EPRS1: variants seen among roughly 807,000 people sequenced by gnomAD.
EPRS1 encodes the protein bifunctional glutamate/proline--tRNA ligase.
EPRS1 carries 107 observed loss-of-function variants against 188.3 expected under a neutral mutation model. That is an observed-to-expected ratio of 0.57 (90% CI 0.49 to 0.67). EPRS1 has a LOEUF of 0.67. EPRS1 is among the 30% of genes least tolerant of loss of function. EPRS1 has a pLI of 0.00. For synonymous variants in EPRS1, 596 were observed against 593.1 expected (o/e 1.00, Z -0.07); for missense variants, 1,577 against 1,802.2 (o/e 0.88, Z 2.26).
chr1:220,018,545 A>C, intron 11 of EPRS1, 37 bp from the exon 12 acceptor site: 1 of 1,366,936 alleles, frequency 7.3e-7, no homozygotes. Flanking sequence ...AAGGGCAAGC[A>C]GTATTAATTA....
chr1:220,015,622 T>C (rs1042036370), intron 12 of EPRS1, among the ~76,000 whole-genome samples: 1 of 152,068 alleles, frequency 6.6e-6, no homozygotes, highest in Admixed American at 6.5e-5. Context: ...CTTCCAATGA[T>C]GCGGATGAAA....
At chr1:220,000,063 T>C (rs1325391839) in intron 17 of EPRS1, among the ~76,000 whole-genome samples, 1 of 152,176 alleles carries the variant, frequency 6.6e-6, no homozygotes, top group African/African-American at 2.4e-5. Flanking sequence ...CCACATGGGA[T>C]ACATAGGTTT....
At chr1:220,001,652 A>C (rs1331489280) in intron 16 of EPRS1, among the ~76,000 whole-genome samples, 1 of 152,174 alleles carries the variant, frequency 6.6e-6, no homozygotes, top group Non-Finnish European at 1.5e-5. Flanking sequence ...ATGCTTTTTG[A>C]AGTATAAAAT....
chr1:220,015,442 G>A (rs565596403), intron 12 of EPRS1, among the ~76,000 whole-genome samples: 2 of 152,028 alleles, frequency 1.3e-5, no homozygotes, highest in African/African-American at 2.4e-5. Context: ...CAGCCTGGGC[G>A]ACAGAGTGAG....
chr1:220,025,328 TGAG>T (rs2102592144), intron 6 of EPRS1, 70 bp from the exon 7 acceptor site: 1 of 1,236,574 alleles, frequency 8.1e-7, no homozygotes, highest in South Asian at 1.6e-5. Context: ...TTAACCTTTT[TGAG>T]GAGATGAGAA....
At chr1:220,026,036 G>A (rs942497248) in intron 6 of EPRS1, among the ~76,000 whole-genome samples, 1 of 152,060 alleles carries the variant, frequency 6.6e-6, no homozygotes. Context: ...CTCGTGATCC[G>A]CCTGCCTTGG....
intron 16 of EPRS1, 90 bp downstream of exon 16, chr1:220,005,158 G>A (rs1466542811): frequency 2.4e-5 from 12 of 490,178 alleles, no homozygotes; most frequent in Non-Finnish European, 1.4e-5. Flanking sequence ...TGTTAGGTAC[G>A]TTATTTTAGT....
intron 17 of EPRS1, among the ~76,000 whole-genome samples, chr1:219,998,547 A>ATTTTTT (rs10638364): frequency 7.0e-5 from 10 of 142,976 alleles, no homozygotes; most frequent in African/African-American, 2.1e-4. Flanking sequence ...GTTCAGCTAC[A>ATTTTTT]TTTTTTTTTT....
At chr1:220,040,998 T>C (rs1222930707) in intron 1 of EPRS1, among the ~76,000 whole-genome samples, 3 of 151,670 alleles carry the variant, frequency 2.0e-5, no homozygotes, top group Non-Finnish European at 2.9e-5. Flanking sequence ...CTATGCCAAA[T>C]GCTTTACAGT....
In EPRS1 at chr1:220,025,247, A is replaced by G; in HGVS notation, c.635T>C (p.Ile212Thr). ...CAGAAGAGCAGCTTTTGCATGCCCAATGTGTAAGTAACTAAAACAAAAACA... is the reference window on the plus strand; with the variant it reads ...CAGAAGAGCAGCTTTTGCATGCCCAGTGTGTAAGTAACTAAAACAAAAACA... ...FPPEASGYLH[I>T]GHAKAALLNQ... The change falls in exon 7 of 32, where the codon ATT becomes ACT. Residue 212 changes from isoleucine to threonine, a missense_variant. Physicochemically the swap from Ile to Thr is moderately conservative, Grantham distance 89. This residue lies in a region of EPRS1 where 1,278 missense variants were observed against 1,457.4 expected (regional missense o/e 0.88). Coordinates refer to ENST00000366923, the MANE Select transcript of EPRS1 (RefSeq NM_004446.3). 1 of 1,596,988 alleles carries G rather than the reference A, an allele frequency of 6.3e-7. No individual in the cohort carries two copies. The highest frequency in any genetic ancestry group is 8.5e-7 in the Non-Finnish European group (1 of 1,174,614).
chr1:220,011,915 G>A (rs775641678), intron 12 of EPRS1, among the ~76,000 whole-genome samples: 3 of 152,078 alleles, frequency 2.0e-5, no homozygotes, highest in Non-Finnish European at 2.9e-5. Context: ...GCTAAGTAAT[G>A]GAAGTTATTT....
intron 23 of EPRS1, 118 bp downstream of exon 23, chr1:219,982,653 GA>G: frequency 1.4e-6 from 1 of 731,080 alleles, no homozygotes; most frequent in Non-Finnish European, 2.3e-6. Context: ...CAACATTCAT[GA>G]AATGTTATAT....
At chr1:219,979,644 A>G (rs1354513375) in intron 26 of EPRS1, 29 bp from the exon 27 acceptor site, 7 of 1,482,248 alleles carry the variant, frequency 4.7e-6, no homozygotes, top group Non-Finnish European at 6.6e-6. Context: ...AATAAGCTTC[A>G]TTTTTAATAA....
intron 2 of EPRS1, among the ~76,000 whole-genome samples, chr1:220,035,901 C>T (rs1488994915): frequency 6.6e-6 from 1 of 151,996 alleles, no homozygotes; most frequent in East Asian, 1.9e-4. Context: ...GATCAAACCT[C>T]ATCCAAACCC....
chr1:219,996,765 C>T (rs1360861877), intron 18 of EPRS1, among the ~76,000 whole-genome samples: 2 of 152,170 alleles, frequency 1.3e-5, no homozygotes, highest in African/African-American at 4.8e-5. Context: ...TAAGAGTACA[C>T]TGAGTCTGTA....
intron 12 of EPRS1, among the ~76,000 whole-genome samples, chr1:220,017,232 T>G (rs770520235): frequency 6.6e-6 from 1 of 151,956 alleles, no homozygotes; most frequent in Non-Finnish European, 1.5e-5. Flanking sequence ...ATATAAGTAA[T>G]AAATACCAAA....
At chr1:220,026,796 C>T (rs1446585884) in intron 6 of EPRS1, among the ~76,000 whole-genome samples, 2 of 151,770 alleles carry the variant, frequency 1.3e-5, no homozygotes, top group African/African-American at 4.8e-5. Context: ...AGCAGTTGTA[C>T]AGTTTTAAGA....
At chr1:219,978,454 A>C in intron 28 of EPRS1, 92 bp downstream of exon 28, 1 of 944,708 alleles carries the variant, frequency 1.1e-6, no homozygotes, top group Non-Finnish European at 1.5e-6. Flanking sequence ...AGAGGAAAGT[A>C]ATGAGAAACC....
chr1:220,010,573 A>G (rs1661582301), intron 13 of EPRS1, among the ~76,000 whole-genome samples: 1 of 152,144 alleles, frequency 6.6e-6, no homozygotes, highest in Non-Finnish European at 1.5e-5. Flanking sequence ...GCACTTTGGG[A>G]GGCCGACGCA....
Sources: gnomAD v4.1 joint callset for allele counts (sites outside exome capture counted in the v4.1 genomes callset) on GRCh38, gnomAD v4.1.1 for gene constraint, gnomAD v4.1.1 regional missense constraint, MANE v1.5 for transcripts, NCBI Gene and HGNC (gene_info 2026-07-23, HGNC 2026-07-21) for gene names.